The following C11orf65 variants were observed in gnomAD, a reference collection of about 807,000 sequenced individuals.
The protein encoded by C11orf65 is chromosome 11 open reading frame 65.
C11orf65 carries 38 observed loss-of-function variants against 35.3 expected under a neutral mutation model. The observed-to-expected ratio is 1.08, with a 90% CI of 0.83 to 1.41. The LOEUF (loss-of-function observed/expected upper bound fraction) is 1.41, where lower values mean the gene tolerates loss of function less well. C11orf65 is among the 40% of genes most tolerant of loss of function. The probability of loss-of-function intolerance (pLI) is 0.00; values close to 1 mark genes in which losing one functional copy is unlikely to be tolerated. For missense variants in C11orf65, 370 were observed against 367.1 expected, an observed-to-expected ratio of 1.01 and a Z score of -0.06; for synonymous variants, 105 against 114.4, an observed-to-expected ratio of 0.92 and a Z score of 0.53.
chr11:108,411,731 T>C (rs1047669582), intron 3 of C11orf65, among the ~76,000 whole-genome samples: 1 of 152,148 alleles, frequency 6.6e-6, no homozygotes, highest in Non-Finnish European at 1.5e-5. Flanking sequence ...CAAAACTTTA[T>C]CCCTTAAAGC....
Position 108,319,981 on chromosome 11 carries a change from T to C in C11orf65, c.641-10910A>G, listed in dbSNP as rs1591099942. On this transcript the variant is annotated intron_variant, in intron 6 of 6. Transcript: ENST00000525729. ...AAGAAGTAGAAGGAACCAGTTACCATGAATCATTGTACAATGCTCTACAAT... is the reference window on the plus strand; with the variant it reads ...AAGAAGTAGAAGGAACCAGTTACCACGAATCATTGTACAATGCTCTACAAT... 2.5e-6 allele frequency: 4 copies of C among 1,612,630 alleles called. No individual in the cohort carries two copies. The highest frequency in any genetic ancestry group is 3.4e-6 in the Non-Finnish European group (4 of 1,178,780).
exon 7 of C11orf65, chr11:108,308,643 G>A: frequency 4.5e-6 from 1 of 221,282 alleles, no homozygotes; most frequent in South Asian, 8.0e-5. Context: ...GAATAGGTAG[G>A]AATCGATGTC....
chr11:108,346,429 T>C (rs1339102351), intron 2 of C11orf65: 2 of 152,732 alleles, frequency 1.3e-5, no homozygotes, highest in African/African-American at 2.4e-5. Flanking sequence ...AATAGGTAGA[T>C]AGTATGGTTA....
intron 2 of C11orf65, among the ~76,000 whole-genome samples, chr11:108,439,144 A>G (rs1330086212): frequency 6.6e-6 from 1 of 152,234 alleles, no homozygotes; most frequent in Non-Finnish European, 1.5e-5. Flanking sequence ...AACAAATGCA[A>G]AACAACTCAA....
At chr11:108,400,180 CTCAAA>C (rs2138545498) in intron 6 of C11orf65, among the ~76,000 whole-genome samples, 1 of 152,298 alleles carries the variant, frequency 6.6e-6, no homozygotes, top group Non-Finnish European at 1.5e-5. Context: ...TACATTAGCT[CTCAAA>C]TCGAGAGAGG....
rs1565724359 is a variant in C11orf65 at position 108,455,834 on chromosome 11, A to AAC, written c.81+5644_81+5645insGT. On this transcript the variant is annotated intron_variant, in intron 2 of 8. Coordinates refer to ENST00000393084, the MANE Select transcript of C11orf65 (RefSeq NM_152587.5). ...CCACCTCAAAAAAAAAAAAAAAAAA[A>AAC]AAAAAACATGGAGAGAAATTTAAGA... is the stretch of plus-strand genomic sequence containing the variant. 2.7e-4 allele frequency among the ~76,000 whole-genome samples: 38 copies of AAC among 139,452 alleles called. 1 individual carries two copies. The highest frequency in any genetic ancestry group is 4.4e-4 in the South Asian group (2 of 4,508). 91.5% of individuals were successfully genotyped at this position (139,452 alleles called of 152,430 possible).
intron 2 of C11orf65, among the ~76,000 whole-genome samples, chr11:108,337,554 C>T (rs114587206): frequency 2.0e-5 from 3 of 152,248 alleles, no homozygotes; most frequent in African/African-American, 4.8e-5. Context: ...TGTGAATGTG[C>T]GTTTCTAGCA....
chr11:108,399,727 T>G (rs568332198), intron 6 of C11orf65, among the ~76,000 whole-genome samples: 2 of 152,314 alleles, frequency 1.3e-5, no homozygotes, highest in East Asian at 3.9e-4. Flanking sequence ...ACCACATTTA[T>G]TTTACACTAA....
At chr11:108,450,947 A>G (rs2093339835) in intron 2 of C11orf65, among the ~76,000 whole-genome samples, 1 of 151,836 alleles carries the variant, frequency 6.6e-6, no homozygotes, top group Admixed American at 6.6e-5. Context: ...GCCTTCAATA[A>G]AATTCAACAG....
At chr11:108,410,295 T>C (rs2092631257) in intron 3 of C11orf65, among the ~76,000 whole-genome samples, 1 of 152,208 alleles carries the variant, frequency 6.6e-6, no homozygotes, top group Non-Finnish European at 1.5e-5. Context: ...TTCTTATGAC[T>C]AACCATGCTG....
At chr11:108,312,537 T>A in intron 6 of C11orf65, 1 of 1,437,566 alleles carries the variant, frequency 7.0e-7, no homozygotes, top group Non-Finnish European at 9.8e-7. Flanking sequence ...ACAGTATTTA[T>A]CTCATACTTT....
At chr11:108,378,993 A>T (rs1591422136), downstream of C11orf65, among the ~76,000 whole-genome samples, 2 of 152,148 alleles carry the variant, frequency 1.3e-5, no homozygotes, top group East Asian at 1.9e-4. Flanking sequence ...GCTGGAGAGG[A>T]TGTGGAGAAA....
In C11orf65 at chr11:108,348,252, AAGAG is replaced by A. The variant is rs545034465; in HGVS notation, c.227-12964_227-12961del. Among the ~76,000 whole-genome samples, 89 of 151,672 alleles carry A rather than the reference AAGAG, an allele frequency of 5.9e-4. 1 individual carries two copies. Among genetic ancestry groups the A allele is most frequent in the African/African-American group, 1.9e-3 (79 of 41,412 alleles). ...TATATAGACAGTTTAATATAAAAGA[AAGAG>A]AATATATATAGCTAAGGAATATATC... On this transcript the variant is annotated intron_variant, in intron 2 of 3. Coordinates refer to the C11orf65 transcript ENST00000524755.
At chr11:108,417,145 T>C (rs1001640913) in intron 3 of C11orf65, among the ~76,000 whole-genome samples, 9 of 152,028 alleles carry the variant, frequency 5.9e-5, no homozygotes, top group Non-Finnish European at 7.4e-5. Context: ...AGTAACAGGG[T>C]AGATTTAAAT....
Position 108,464,425 on chromosome 11 carries a change from G to A in C11orf65, c.-9-2857C>T, listed in dbSNP as rs553337671. On this transcript the variant is annotated intron_variant, in intron 1 of 8. Coordinates refer to ENST00000393084, the MANE Select transcript of C11orf65 (RefSeq NM_152587.5). ...GATTCTCCTGCCTTAGCCTCCCCGC[G>A]ATTTCCACTCACTGCAACCTCCGCC... Among the ~76,000 whole-genome samples, 13 of 149,462 alleles carry A rather than the reference G, an allele frequency of 8.7e-5. 1 individual carries two copies. In the South Asian group the frequency reaches 1.7e-3, roughly 20 times the overall value.
intron 6 of C11orf65, chr11:108,312,484 G>A: frequency 6.4e-7 from 1 of 1,570,908 alleles, no homozygotes. Context: ...AGAAGAAACT[G>A]GAATAAGTTT....
chr11:108,457,805 T>C (rs1260978295), intron 2 of C11orf65, among the ~76,000 whole-genome samples: 1 of 152,168 alleles, frequency 6.6e-6, no homozygotes, highest in Non-Finnish European at 1.5e-5. Flanking sequence ...ATCCCTACAT[T>C]TACATTACTA....
At chr11:108,446,173 G>A (rs1201593318) in intron 2 of C11orf65, among the ~76,000 whole-genome samples, 1 of 152,090 alleles carries the variant, frequency 6.6e-6, no homozygotes, top group African/African-American at 2.4e-5. Flanking sequence ...ACCTGAAAGT[G>A]ATGGGGAGAA....
At chr11:108,388,685 C>T (rs1457903890) in intron 7 of C11orf65, among the ~76,000 whole-genome samples, 5 of 152,220 alleles carry the variant, frequency 3.3e-5, no homozygotes, top group African/African-American at 7.2e-5. Context: ...AATTCACTTG[C>T]TGTTTGAAAA....
Sources: allele counts gnomAD v4.1 joint callset (sites outside exome capture counted in the v4.1 genomes callset), GRCh38; gene constraint gnomAD v4.1.1; transcripts MANE v1.5; gene names NCBI Gene and HGNC (gene_info 2026-07-23, HGNC 2026-07-21).